Variants in TMEM232 observed in about 807,000 individuals in gnomAD.
TMEM232 encodes the protein transmembrane protein 232.
A neutral mutation model predicts 78.8 loss-of-function variants in TMEM232; 80 were observed. The ratio of observed to expected loss-of-function variants is 1.01; its 90% confidence interval spans 0.85 to 1.22. The LOEUF (loss-of-function observed/expected upper bound fraction) is 1.22, where lower values mean the gene tolerates loss of function less well. Among genes scored for constraint, TMEM232 ranks in the 50% most tolerant of loss-of-function variants. The pLI, the probability that TMEM232 is intolerant of heterozygous loss-of-function variation, is 0.00. For missense variants in TMEM232, 881 were observed against 742.2 expected (o/e 1.19, Z -2.17); for synonymous variants, 297 against 254.3 (o/e 1.17, Z -1.60).
At position 110,585,863 on chromosome 5, in the gene TMEM232, A is replaced by G. The variant is rs986977470; in HGVS notation, c.1277-17238T>C. ...GCCCTTCTCACCCTTACCTTGAAGT[A>G]CTAATGCAAACAAAAAAGGCAAAAG... On this transcript the variant is annotated intron_variant, in intron 10 of 13. Coordinates refer to ENST00000455884, the MANE Select transcript of TMEM232 (RefSeq NM_001039763.4). Among the ~76,000 whole-genome samples, 4 of 152,070 alleles carry G rather than the reference A, an allele frequency of 2.6e-5. No homozygotes were observed. The South Asian group carries it at 8.3e-4, about 31-fold the overall frequency.
At chr5:110,718,229 A>G (rs1415737385) in intron 1 of TMEM232, among the ~76,000 whole-genome samples, 2 of 152,134 alleles carry the variant, frequency 1.3e-5, no homozygotes, top group African/African-American at 2.4e-5. Context: ...CTGTGTTATC[A>G]TTTTAAAAAT....
intron 5 of TMEM232, among the ~76,000 whole-genome samples, chr5:110,628,696 T>G (rs140552402): frequency 7.0e-6 from 1 of 143,266 alleles, no homozygotes; most frequent in African/African-American, 2.9e-5. Context: ...TGTGTGTGTG[T>G]GTGTATCTCA....
At chr5:110,528,495 G>C in intron 12 of TMEM232, 93 bp downstream of exon 12, 1 of 1,314,430 alleles carries the variant, frequency 7.6e-7, no homozygotes, top group South Asian at 1.9e-5. Flanking sequence ...AAGAGAAACT[G>C]AGTTAAATGA....
intron 12 of TMEM232, among the ~76,000 whole-genome samples, chr5:110,481,158 T>C (rs1473527154): frequency 1.3e-5 from 2 of 152,254 alleles, no homozygotes; most frequent in Middle Eastern, 3.4e-3. Flanking sequence ...TATTCCTTAA[T>C]GTTTATAGAT....
At chr5:110,465,188 T>C (rs1761943705) in intron 12 of TMEM232, among the ~76,000 whole-genome samples, 1 of 152,216 alleles carries the variant, frequency 6.6e-6, no homozygotes, top group Non-Finnish European at 1.5e-5. Flanking sequence ...GAAAACCAGG[T>C]TGAGAAGATT....
At chr5:110,453,953 G>A (rs1354628140) in intron 12 of TMEM232, among the ~76,000 whole-genome samples, 1 of 151,844 alleles carries the variant, frequency 6.6e-6, no homozygotes, top group Non-Finnish European at 1.5e-5. Flanking sequence ...AATTCACTAA[G>A]AAAAGAAAAA....
chr5:110,683,492 T>C (rs922750379), intron 1 of TMEM232, among the ~76,000 whole-genome samples: 1 of 151,942 alleles, frequency 6.6e-6, no homozygotes, highest in Non-Finnish European at 1.5e-5. Context: ...TCTAATATTA[T>C]AATAATCAAA....
chr5:110,479,970 AT>A (rs113762498), intron 12 of TMEM232, among the ~76,000 whole-genome samples: 17,405 of 151,618 alleles, frequency 0.11, 2,347 homozygotes, highest in African/African-American at 0.33. Flanking sequence ...ACATAATTTC[AT>A]TTTTTTTCCT....
intron 1 of TMEM232, among the ~76,000 whole-genome samples, chr5:110,682,250 C>A (rs1792843772): frequency 6.6e-6 from 1 of 151,808 alleles, no homozygotes; most frequent in African/African-American, 2.4e-5. Flanking sequence ...TCTACAGTCC[C>A]AAAACACAGG....
chr5:110,593,861 T>C (rs992582790), intron 10 of TMEM232, among the ~76,000 whole-genome samples: 3 of 152,090 alleles, frequency 2.0e-5, no homozygotes, highest in African/African-American at 7.2e-5. Flanking sequence ...GCTTGAGGTA[T>C]TCAATACCTC....
intron 1 of TMEM232, among the ~76,000 whole-genome samples, chr5:110,726,007 C>A (rs1166883375): frequency 1.3e-5 from 2 of 151,884 alleles, no homozygotes; most frequent in Non-Finnish European, 2.9e-5. Context: ...CTTATCCCCT[C>A]CTAGAAATTT....
chr5:110,537,502 C>G (rs961057781), intron 11 of TMEM232, among the ~76,000 whole-genome samples: 4 of 152,102 alleles, frequency 2.6e-5, no homozygotes, highest in African/African-American at 4.8e-5. Context: ...AACCAGCCCC[C>G]CAAGGGAAAG....
intron 1 of TMEM232, among the ~76,000 whole-genome samples, chr5:110,716,798 T>G (rs2443513): frequency 0.58 from 87,827 of 152,036 alleles, 30,948 homozygotes; most frequent in Non-Finnish European, 0.78. Context: ...GAAACAGTTC[T>G]GTACTGGTGC....
In TMEM232 at chr5:110,663,769, GTGTGTA is replaced by G. The variant is rs1253002587; in HGVS notation, c.125+3453_125+3458del. On this transcript the variant is annotated intron_variant, in intron 2 of 13. Coordinates refer to ENST00000455884, the MANE Select transcript of TMEM232 (RefSeq NM_001039763.4). ...TATGTGTGTGTGTGTGTGTGTGTGTGTGTGTATATACAATATTCAGATACTTTTGGA... is the reference window on the plus strand; with the variant it reads ...TATGTGTGTGTGTGTGTGTGTGTGTGTATACAATATTCAGATACTTTTGGA... Among the ~76,000 whole-genome samples, 1,284 of 150,758 alleles carry G rather than the reference GTGTGTA, an allele frequency of 8.5e-3. 13 individuals carry two copies. Among genetic ancestry groups the G allele is most frequent in the African/African-American group, 0.03 (1,207 of 40,842 alleles).
In TMEM232 at chr5:110,528,749, A is replaced by G. The variant is rs1338755606; in HGVS notation, c.1542T>C (p.Tyr514=). The G allele has an allele frequency of 2.0e-6, 3 of 1,534,158 alleles. No homozygotes were observed. Among genetic ancestry groups the G allele is most frequent in the South Asian group, 1.2e-5 (1 of 83,682 alleles). ...GAGTGTTGGCAATTCTCCACCCAAT[A>G]TATTTGGAGAAAACTTCTTCTCCTA... is the stretch of plus-strand genomic sequence containing the variant. ...SNVGEEVFSK[Y]IGWRIANTLS... Residue 514 remains tyrosine, a synonymous_variant, in exon 12 of 14, where the codon TAT becomes TAC. Transcript: ENST00000455884.
chr5:110,391,328 A>T (rs145373696), intron 3 of TMEM232, among the ~76,000 whole-genome samples: 4,622 of 46,022 alleles, frequency 0.1, 80 homozygotes, highest in Non-Finnish European at 0.15. Flanking sequence ...TGTGTGTGTG[A>T]GAGAGAGAGA....
At chr5:110,730,565 T>C (rs1250592777), upstream of TMEM232, among the ~76,000 whole-genome samples, 1 of 152,196 alleles carries the variant, frequency 6.6e-6, no homozygotes, top group African/African-American at 2.4e-5. Context: ...TCCACATGGC[T>C]AGGGAGGCCT....
At chr5:110,677,383 A>C (rs1792159851) in intron 1 of TMEM232, among the ~76,000 whole-genome samples, 1 of 152,144 alleles carries the variant, frequency 6.6e-6, no homozygotes, top group African/African-American at 2.4e-5. Context: ...AACCCAGCTG[A>C]ATCTGCCTGG....
rs370133806 is a variant in TMEM232, at chr5:110,400,997, A to G, written n.309-3143T>C. ...ACTTCCAATCCTTTTCCTAAAAGCA[A>G]TGTATATCAAAACAACTTTCTGCCT... On this transcript the variant is annotated intron_variant and non_coding_transcript_variant, in intron 2 of 8. Coordinates refer to the TMEM232 transcript ENST00000507188. Among the ~76,000 whole-genome samples, 11 of 152,026 alleles carry G rather than the reference A, an allele frequency of 7.2e-5. No individual in the cohort carries two copies. The East Asian group carries it at 2.1e-3, about 29-fold the overall frequency.
Sources: allele counts gnomAD v4.1 joint callset (sites outside exome capture counted in the v4.1 genomes callset), GRCh38; gene constraint gnomAD v4.1.1; transcripts MANE v1.5; gene names NCBI Gene and HGNC (gene_info 2026-07-23, HGNC 2026-07-21).